The following ABL2 variants were observed in gnomAD, a reference collection of about 807,000 sequenced individuals.
ABL2 encodes the protein ABL proto-oncogene 2, non-receptor tyrosine kinase, also known as tyrosine-protein kinase ABL2.
Under a neutral mutation model 107.7 loss-of-function variants are expected in ABL2, and 49 were observed. The ratio of observed to expected loss-of-function variants is 0.45; its 90% CI spans 0.36 to 0.58. The LOEUF is 0.58. ABL2 is among the 20% of genes least tolerant of loss of function. The pLI is 0.00. For missense variants in ABL2, 1,245 were observed against 1,457.0 expected, an observed-to-expected ratio of 0.85 and a Z score of 2.37; for synonymous variants, 549 against 548.6, an observed-to-expected ratio of 1.00 and a Z score of -0.01.
intron 1 of ABL2, among the ~76,000 whole-genome samples, chr1:179,198,706 A>AAC (rs1343919640): frequency 4.0e-5 from 6 of 150,744 alleles, no homozygotes; most frequent in African/African-American, 1.2e-4. Context: ...AAAAAAAAAA[A>AAC]AAAAAAAAAA....
chr1:179,121,506 C>T, intron 5 of ABL2, 89 bp downstream of exon 5: 1 of 1,517,980 alleles, frequency 6.6e-7, no homozygotes, highest in South Asian at 1.3e-5. Context: ...GGAAAGTGTT[C>T]CAAAGTTAAA....
intron 1 of ABL2, chr1:179,196,567 C>G (rs1280591836): frequency 6.6e-6 from 1 of 152,102 alleles, no homozygotes; most frequent in African/African-American, 2.4e-5. Flanking sequence ...CAGGACCAGC[C>G]TGGCCAATAT....
intron 1 of ABL2, among the ~76,000 whole-genome samples, chr1:179,205,065 C>T (rs1322555157): frequency 4.1e-5 from 6 of 144,928 alleles, no homozygotes; most frequent in Admixed American, 1.4e-4. Context: ...CTCACTCTGT[C>T]GCCCAGGCTG....
chr1:179,220,252 G>C (rs1028553641), intron 1 of ABL2, among the ~76,000 whole-genome samples: 1 of 152,212 alleles, frequency 6.6e-6, no homozygotes, highest in East Asian at 1.9e-4. Context: ...CAGAGTAGTT[G>C]TAAAGGTCAA....
At chr1:179,174,612 C>T (rs111387069) in intron 1 of ABL2, among the ~76,000 whole-genome samples, 18 of 150,902 alleles carry the variant, frequency 1.2e-4, no homozygotes, top group South Asian at 2.1e-4. Flanking sequence ...TCAGCCCAGG[C>T]GCAGTCTTAA....
intron 11 of ABL2, 86 bp downstream of exon 11, chr1:179,110,196 T>A: frequency 6.7e-7 from 1 of 1,503,636 alleles, no homozygotes. Flanking sequence ...AGGACGGGCA[T>A]GAAAGTGGAC....
Position 179,131,410 on chromosome 1 carries a change from T to C in ABL2, c.292A>G (p.Lys98Glu), listed in dbSNP as rs201376490. The change falls in exon 3 of 12, where the codon AAG becomes GAG. Residue 98 changes from lysine (K) to glutamate (E), a missense_variant. Physicochemically the swap from Lys to Glu is moderately conservative, Grantham distance 56. Transcript: ENST00000502732. ...TCAGTGGCTCCGAGCAAGTTCTCCT[T>C]GGAGCTCCACCTGATAGCCTCATTT... ...ALNEAIRWSS[K>E]ENLLGATESD... 2.2e-5 allele frequency: 35 copies of C among 1,613,938 alleles called. No individual in the cohort carries two copies. The highest frequency in any genetic ancestry group is 3.0e-5 in the Non-Finnish European group (35 of 1,179,926).
At chr1:179,206,453 AAAGT>A (rs1303579545) in intron 1 of ABL2, among the ~76,000 whole-genome samples, 1 of 152,188 alleles carries the variant, frequency 6.6e-6, no homozygotes, top group Non-Finnish European at 1.5e-5. Context: ...AACTGAAAAC[AAAGT>A]AATTATATAA....
chr1:179,143,597 G>A (rs1008924117), intron 1 of ABL2, among the ~76,000 whole-genome samples: 2 of 152,218 alleles, frequency 1.3e-5, no homozygotes, highest in African/African-American at 4.8e-5. Flanking sequence ...AACTGCCTTT[G>A]CTAACAATCT....
rs1371094460 is a variant in ABL2 at position 179,103,975 on chromosome 1, A to G, written c.*3743T>C. 4.3e-6 allele frequency: 1 copy of G among 233,402 alleles called. No individual in the cohort carries two copies. The highest frequency in any genetic ancestry group is 8.5e-6 in the Non-Finnish European group (1 of 117,948). The allele number at this position is 233,402 out of a possible 1,614,324, so 14.5% of individuals were successfully genotyped here. A position where few individuals can be genotyped will look rare whatever the true frequency, so the allele number is the denominator to read the frequency against. On this transcript the variant is annotated 3_prime_UTR_variant, in exon 12 of 12. Coordinates refer to ENST00000502732, the MANE Select transcript of ABL2 (RefSeq NM_007314.4). ...CAAACACCTGGCGAGATTACTGGAG[A>G]ATACACTGGCCGAGACCCCAGCCCA...
chr1:179,201,692 C>G, intron 1 of ABL2: 1 of 620,630 alleles, frequency 1.6e-6, no homozygotes, highest in Non-Finnish European at 2.9e-6. Context: ...AGTTGTCTTT[C>G]TTGACGTAGG....
chr1:179,156,192 T>C (rs960331962), intron 1 of ABL2, among the ~76,000 whole-genome samples: 1 of 152,216 alleles, frequency 6.6e-6, no homozygotes, highest in Non-Finnish European at 1.5e-5. Context: ...GGTATGTCTA[T>C]ATGTATATAC....
At chr1:179,163,710 G>A (rs1235389508) in intron 1 of ABL2, among the ~76,000 whole-genome samples, 3 of 152,118 alleles carry the variant, frequency 2.0e-5, no homozygotes, top group East Asian at 1.9e-4. Context: ...TCGCGCCACC[G>A]CACTCCAGTC....
chr1:179,170,751 T>G (rs939966027), intron 1 of ABL2, among the ~76,000 whole-genome samples: 1 of 152,168 alleles, frequency 6.6e-6, no homozygotes, highest in African/African-American at 2.4e-5. Flanking sequence ...CCTGCCACCA[T>G]GCCTGGCTAA....
At chr1:179,118,841 T>G in intron 6 of ABL2, 77 bp from the exon 7 acceptor site, 1 of 1,501,402 alleles carries the variant, frequency 6.7e-7, no homozygotes, top group Non-Finnish European at 9.1e-7. Context: ...AAGAATAATT[T>G]GACAATTTTT....
At chr1:179,148,375 TTC>T (rs1181504138) in intron 1 of ABL2, among the ~76,000 whole-genome samples, 1 of 152,166 alleles carries the variant, frequency 6.6e-6, no homozygotes, top group Non-Finnish European at 1.5e-5. Flanking sequence ...CACTTCATGT[TTC>T]TGTGTCACCT....
Position 179,121,699 on chromosome 1 carries a change from T to C in ABL2, c.856A>G (p.Thr286Ala). The C allele has an allele frequency of 4.3e-6, 7 of 1,614,146 alleles. No homozygotes were observed. The highest frequency in any genetic ancestry group is 5.9e-6 in the Non-Finnish European group (7 of 1,180,034). ...PIHDKWEMER[T>A]DITMKHKLGG... ...AGTTTGTGCTTCATGGTAATATCTG[T>C]TCGCTCCATTTCCCATTTGTCGTGG... The change falls in exon 5 of 12, where the codon ACA becomes GCA. Residue 286 changes from threonine (T) to alanine (A), a missense_variant. Thr to Ala is a moderately conservative substitution (Grantham distance 58). Transcript: ENST00000502732.
chr1:179,145,882 T>G (rs543877136), intron 1 of ABL2, among the ~76,000 whole-genome samples: 1 of 143,488 alleles, frequency 7.0e-6, no homozygotes, highest in Non-Finnish European at 1.5e-5. Flanking sequence ...GATGGCCATA[T>G]GGTCTGATCT....
At chr1:179,191,311 T>A (rs10913703) in intron 1 of ABL2, among the ~76,000 whole-genome samples, 2,281 of 152,304 alleles carry the variant, frequency 0.015, 70 homozygotes, top group African/African-American at 0.051. Flanking sequence ...TGCACTTAAT[T>A]TTCAAAATCA....
Sources: allele counts gnomAD v4.1 joint callset (sites outside exome capture counted in the v4.1 genomes callset), GRCh38; gene constraint gnomAD v4.1.1; transcripts MANE v1.5; gene names NCBI Gene and HGNC (gene_info 2026-07-23, HGNC 2026-07-21).